Variants in ADGRG6 observed in about 807,000 individuals in gnomAD.
The protein encoded by ADGRG6 is adhesion G protein-coupled receptor G6.
In ADGRG6, 84 loss-of-function variants were observed where a neutral mutation model predicts 142.4. The observed-to-expected ratio is 0.59, with a 90% CI of 0.49 to 0.71. ADGRG6 has a LOEUF of 0.71. Among genes scored for constraint, ADGRG6 ranks in the 30% least tolerant of loss-of-function variants. The pLI is 0.00. For missense variants in ADGRG6, 1,367 were observed against 1,466.6 expected (o/e 0.93, Z 1.11); for synonymous variants, 521 against 520.5 (o/e 1.00, Z -0.01).
chr6:142,389,481 C>T (rs1027075492), intron 6 of ADGRG6, among the ~76,000 whole-genome samples: 6 of 151,900 alleles, frequency 3.9e-5, no homozygotes, highest in African/African-American at 1.4e-4. Flanking sequence ...CACCCATTTA[C>T]AGCTATTTAG....
intron 22 of ADGRG6, among the ~76,000 whole-genome samples, chr6:142,427,580 T>A (rs932545286): frequency 9.9e-5 from 15 of 152,194 alleles, no homozygotes; most frequent in Non-Finnish European, 1.9e-4. Context: ...CCAAGTTGCT[T>A]CCACATATTT....
chr6:142,383,716 A>G (rs1281674138), intron 5 of ADGRG6, 44 bp from the exon 6 acceptor site: 5 of 908,912 alleles, frequency 5.5e-6, no homozygotes, highest in Non-Finnish European at 7.3e-6. Flanking sequence ...ATTAACTGTC[A>G]TGTGCTCTTT....
chr6:142,348,135 T>G (rs1185747307), intron 2 of ADGRG6, among the ~76,000 whole-genome samples: 1 of 152,140 alleles, frequency 6.6e-6, no homozygotes, highest in African/African-American at 2.4e-5. Context: ...AATGGGGTGG[T>G]GGAATTAAGG....
intron 20 of ADGRG6, among the ~76,000 whole-genome samples, chr6:142,416,557 A>G (rs878907549): frequency 6.6e-6 from 1 of 152,208 alleles, no homozygotes; most frequent in African/African-American, 2.4e-5. Context: ...AGTCAGACAT[A>G]GGTGGTTGTA....
intron 24 of ADGRG6, among the ~76,000 whole-genome samples, chr6:142,441,710 T>G (rs1332581030): frequency 6.6e-6 from 1 of 152,194 alleles, no homozygotes; most frequent in Non-Finnish European, 1.5e-5. Flanking sequence ...CACCAAGCAC[T>G]AATTATTCAT....
intron 15 of ADGRG6, 112 bp from the exon 16 acceptor site, chr6:142,408,038 G>T: frequency 1.5e-6 from 1 of 677,202 alleles, no homozygotes; most frequent in Non-Finnish European, 2.4e-6. Context: ...GGATGTTCTA[G>T]AACTGAAGAT....
intron 6 of ADGRG6, among the ~76,000 whole-genome samples, chr6:142,384,556 T>G (rs537950380): frequency 1.6e-3 from 243 of 152,278 alleles, no homozygotes; most frequent in Non-Finnish European, 2.7e-3. Flanking sequence ...ACATGGCCTT[T>G]CAGTAATTCA....
chr6:142,317,129 T>C (rs749888393), intron 2 of ADGRG6, among the ~76,000 whole-genome samples: 22 of 152,166 alleles, frequency 1.4e-4, no homozygotes, highest in Non-Finnish European at 2.6e-4. Flanking sequence ...GACATTTTCC[T>C]TCCAGCTTGG....
At chr6:142,373,446 A>G (rs756355736) in intron 4 of ADGRG6, among the ~76,000 whole-genome samples, 7 of 151,984 alleles carry the variant, frequency 4.6e-5, no homozygotes, top group Non-Finnish European at 1.0e-4. Flanking sequence ...AAAAAGTATG[A>G]TTCAGTTTTA....
At chr6:142,380,227 T>A (rs987442158) in intron 4 of ADGRG6, among the ~76,000 whole-genome samples, 1 of 151,988 alleles carries the variant, frequency 6.6e-6, no homozygotes, top group Non-Finnish European at 1.5e-5. Flanking sequence ...AGACTTAGGG[T>A]CTATGTTGAT....
chr6:142,348,489 T>G (rs915740142), intron 2 of ADGRG6, among the ~76,000 whole-genome samples: 2 of 152,176 alleles, frequency 1.3e-5, no homozygotes, highest in Non-Finnish European at 2.9e-5. Context: ...GTATCCCTCC[T>G]CTGTTCATTC....
intron 22 of ADGRG6, among the ~76,000 whole-genome samples, chr6:142,427,345 C>T (rs1179777603): frequency 1.3e-5 from 2 of 152,164 alleles, no homozygotes; most frequent in African/African-American, 2.4e-5. Context: ...GATCAAAATG[C>T]CGCCAGACTC....
intron 22 of ADGRG6, among the ~76,000 whole-genome samples, chr6:142,433,599 C>T (rs1777325221): frequency 6.6e-6 from 1 of 152,198 alleles, no homozygotes; most frequent in Non-Finnish European, 1.5e-5. Flanking sequence ...TTTCCTTACT[C>T]TGAGATTTGT....
chr6:142,389,550 TCC>T lies in ADGRG6; in HGVS notation c.1223-703_1223-702del, dbSNP rs539290240. Among the ~76,000 whole-genome samples the T allele has an allele frequency of 9.2e-5, 14 of 151,992 alleles. No individual in the cohort carries two copies. The South Asian group carries it at 2.9e-3, about 32-fold the overall frequency. On this transcript the variant is annotated intron_variant, in intron 6 of 24. Coordinates refer to ENST00000367609, the MANE Select transcript of ADGRG6 (RefSeq NM_198569.3). ...TAAAAAATCAGTTTACTTTAAAGATTCCCCCCACCCAAAGAGCAGAATCTTCT... is the reference window on the plus strand; with the variant it reads ...TAAAAAATCAGTTTACTTTAAAGATTCCCCACCCAAAGAGCAGAATCTTCT...
intron 1 of ADGRG6, among the ~76,000 whole-genome samples, chr6:142,304,970 C>G (rs1777410378): frequency 6.6e-6 from 1 of 151,104 alleles, no homozygotes; most frequent in Non-Finnish European, 1.5e-5. Flanking sequence ...TCTGGAATGC[C>G]TTAAAAAAAA....
At chr6:142,442,822 T>C (rs1777822254) in intron 24 of ADGRG6, among the ~76,000 whole-genome samples, 2 of 152,134 alleles carry the variant, frequency 1.3e-5, no homozygotes, top group Admixed American at 6.6e-5. Context: ...TAAAATTTTT[T>C]GTTATGAAAA....
intron 2 of ADGRG6, among the ~76,000 whole-genome samples, chr6:142,341,641 T>C (rs1387637077): frequency 7.5e-6 from 1 of 132,718 alleles, no homozygotes; most frequent in African/African-American, 2.8e-5. Context: ...ATATAATATA[T>C]ATAATATATA....
intron 22 of ADGRG6, among the ~76,000 whole-genome samples, chr6:142,429,438 A>C (rs1777108282): frequency 6.6e-6 from 1 of 152,154 alleles, no homozygotes; most frequent in Non-Finnish European, 1.5e-5. Flanking sequence ...GCAAGGAAAT[A>C]AATTACTCAC....
chr6:142,396,895 A>G (rs959877656), intron 9 of ADGRG6, among the ~76,000 whole-genome samples: 1 of 152,152 alleles, frequency 6.6e-6, no homozygotes, highest in African/African-American at 2.4e-5. Flanking sequence ...AAATTGTAGA[A>G]CCAAAAGTTT....
Sources: allele counts gnomAD v4.1 joint callset (sites outside exome capture counted in the v4.1 genomes callset), GRCh38; gene constraint gnomAD v4.1.1; transcripts MANE v1.5; gene names NCBI Gene and HGNC (gene_info 2026-07-23, HGNC 2026-07-21).